The following FOXP1 variants were observed in gnomAD, a reference collection of about 807,000 sequenced individuals.
FOXP1 encodes forkhead box P1, also known as forkhead box protein P1.
FOXP1 carries 15 observed loss-of-function variants against 98.2 expected under a neutral mutation model. The ratio of observed to expected loss-of-function variants is 0.15; its 90% CI spans 0.10 to 0.24. The LOEUF (loss-of-function observed/expected upper bound fraction) is 0.24, where lower values mean the gene tolerates loss of function less well. Among genes scored for constraint, FOXP1 ranks in the 10% least tolerant of loss-of-function variants. The pLI is 1.00. For synonymous variants in FOXP1, 371 were observed against 314.5 expected, an observed-to-expected ratio of 1.18 and a Z score of -1.90; for missense variants, 633 against 848.5, an observed-to-expected ratio of 0.75 and a Z score of 3.15.
intron 3 of FOXP1, among the ~76,000 whole-genome samples, chr3:71,380,449 G>A (rs1236484126): frequency 1.3e-5 from 2 of 152,178 alleles, no homozygotes; most frequent in African/African-American, 4.8e-5. Flanking sequence ...TAGGCCAAAG[G>A]CTTCCCAGAA....
At chr3:71,061,901 A>G (rs557083763) in intron 7 of FOXP1, among the ~76,000 whole-genome samples, 1 of 152,344 alleles carries the variant, frequency 6.6e-6, no homozygotes, top group East Asian at 1.9e-4. Context: ...TGATTGTCTC[A>G]GAAACATAGT....
At chr3:71,375,272 G>A (rs2079630842) in intron 3 of FOXP1, among the ~76,000 whole-genome samples, 1 of 152,188 alleles carries the variant, frequency 6.6e-6, no homozygotes, top group South Asian at 2.1e-4. Flanking sequence ...CTCATGCTGA[G>A]AAGAAAACCC....
chr3:70,974,956 G>A (rs543912422), intron 17 of FOXP1, among the ~76,000 whole-genome samples: 1 of 152,208 alleles, frequency 6.6e-6, no homozygotes, highest in Non-Finnish European at 1.5e-5. Flanking sequence ...GCGACGAGAA[G>A]TCAAGAGTTT....
chr3:71,212,266 G>T (rs2064535656), intron 5 of FOXP1, among the ~76,000 whole-genome samples: 1 of 152,174 alleles, frequency 6.6e-6, no homozygotes. Flanking sequence ...TCCGTGAGTG[G>T]TACAAGGCTC....
At chr3:70,995,921 T>C (rs887446354) in intron 13 of FOXP1, among the ~76,000 whole-genome samples, 9 of 152,232 alleles carry the variant, frequency 5.9e-5, no homozygotes, top group African/African-American at 2.2e-4. Context: ...TAGATGTACC[T>C]TGCCTTTTGT....
chr3:70,995,496 A>G (rs992877388), intron 13 of FOXP1, among the ~76,000 whole-genome samples: 10 of 152,064 alleles, frequency 6.6e-5, no homozygotes, highest in African/African-American at 2.2e-4. Context: ...AGAACAGATG[A>G]AATCTTACTG....
intron 6 of FOXP1, among the ~76,000 whole-genome samples, chr3:71,187,800 GGAAGA>G (rs1189543154): frequency 6.6e-6 from 1 of 151,970 alleles, no homozygotes; most frequent in Non-Finnish European, 1.5e-5. Context: ...ATCATCCATA[GGAAGA>G]AAAAAATGAG....
chr3:71,448,297 C>A (rs1459428865), intron 3 of FOXP1, among the ~76,000 whole-genome samples: 1 of 152,190 alleles, frequency 6.6e-6, no homozygotes. Flanking sequence ...AATCCTGCTC[C>A]ATTAAGTCTG....
intron 3 of FOXP1, among the ~76,000 whole-genome samples, chr3:71,443,064 T>C (rs1468402012): frequency 6.6e-6 from 1 of 152,156 alleles, no homozygotes; most frequent in Admixed American, 6.5e-5. Flanking sequence ...GCTAATTTTT[T>C]TGTATTTCTG....
rs74635850 is a variant in FOXP1 at position 71,204,709 on chromosome 3, A to T, written c.-11-6317T>A. The stretch of plus-strand genomic sequence containing the variant: ...CAGAAAGATGGCAGCCCCAAGATGT[A>T]GAGTTACTGTCTACAAATGGGCTTG... On this transcript the variant is annotated intron_variant, in intron 5 of 20. Coordinates refer to ENST00000649528, the MANE Select transcript of FOXP1 (RefSeq NM_001349338.3). Among the ~76,000 whole-genome samples, 1,382 of 151,754 alleles carry T rather than the reference A, an allele frequency of 9.1e-3. 20 individuals are homozygous for T. The highest frequency in any genetic ancestry group is 0.062 in the East Asian group (320 of 5,128).
At chr3:71,408,326 C>T (rs932910963) in intron 3 of FOXP1, among the ~76,000 whole-genome samples, 4 of 152,068 alleles carry the variant, frequency 2.6e-5, no homozygotes, top group Non-Finnish European at 4.4e-5. Context: ...GTTTCTGATG[C>T]CTTTATGCTC....
chr3:71,051,652 AAG>A (rs1048163976), intron 9 of FOXP1, among the ~76,000 whole-genome samples: 2 of 152,212 alleles, frequency 1.3e-5, no homozygotes, highest in Non-Finnish European at 2.9e-5. Flanking sequence ...CTTAAACAAA[AAG>A]AATTTTCAGT....
rs558832183 is a variant in FOXP1, at chr3:71,112,641, G to A, written c.181-4C>T. ...GCTGTCTTGCCACCTGAAGTGCCTG[G>A]AAGGAAAAACAAGAAAATCCTTTGC... On this transcript the variant is annotated splice_region_variant and splice_polypyrimidine_tract_variant and intron_variant, in intron 6 of 20. Transcript: ENST00000649528. 7.4e-6 allele frequency: 12 copies of A among 1,612,138 alleles called. No homozygotes were observed. Among genetic ancestry groups the A allele is most frequent in the Admixed American group, 3.3e-5 (2 of 60,022 alleles).
chr3:71,280,048 G>A (rs887965593), intron 5 of FOXP1, among the ~76,000 whole-genome samples: 4 of 148,530 alleles, frequency 2.7e-5, no homozygotes, highest in African/African-American at 7.5e-5. Context: ...GCGTGAACCC[G>A]GAAGTCAGAG....
chr3:71,191,529 T>C (rs2062979744), intron 6 of FOXP1, among the ~76,000 whole-genome samples: 1 of 152,256 alleles, frequency 6.6e-6, no homozygotes, highest in Non-Finnish European at 1.5e-5. Flanking sequence ...CTTTTGCTTC[T>C]TGTGCCATTT....
chr3:71,290,122 A>G (rs1158022681), intron 5 of FOXP1, among the ~76,000 whole-genome samples: 1 of 152,192 alleles, frequency 6.6e-6, no homozygotes, highest in East Asian at 1.9e-4. Flanking sequence ...TCCCATATCT[A>G]CAACTACATT....
intron 3 of FOXP1, among the ~76,000 whole-genome samples, chr3:71,366,777 T>C (rs974175528): frequency 6.6e-6 from 1 of 152,248 alleles, no homozygotes; most frequent in South Asian, 2.1e-4. Context: ...TTATGGTATC[T>C]TACGCACTCA....
At chr3:71,102,068 C>T (rs831436) in intron 7 of FOXP1, among the ~76,000 whole-genome samples, 75,362 of 151,890 alleles carry the variant, frequency 0.5, 23,273 homozygotes, top group Non-Finnish European at 0.69. Flanking sequence ...TGTAATTTAC[C>T]GGGCAATAAT....
In FOXP1 at chr3:71,419,817, T is replaced by A. The variant is rs569815149; in HGVS notation, c.-167-60573A>T. ...TTAGGAGCTAGGTATTTTTTTTTATTATTATTATTATTTTGAGACAGAGTC... is the reference window on the plus strand; with the variant it reads ...TTAGGAGCTAGGTATTTTTTTTTATAATTATTATTATTTTGAGACAGAGTC... On this transcript the variant is annotated intron_variant, in intron 3 of 20. Coordinates refer to ENST00000649528, the MANE Select transcript of FOXP1 (RefSeq NM_001349338.3). 5.3e-5 allele frequency among the ~76,000 whole-genome samples: 8 copies of A among 152,136 alleles called. No individual in the cohort carries two copies. In the South Asian group the frequency reaches 1.7e-3, roughly 32 times the overall value.
Sources: allele counts gnomAD v4.1 joint callset (sites outside exome capture counted in the v4.1 genomes callset), GRCh38; gene constraint gnomAD v4.1.1; transcripts MANE v1.5; gene names NCBI Gene and HGNC (gene_info 2026-07-23, HGNC 2026-07-21).